The following CSMD1 variants were observed in gnomAD, a reference collection of about 807,000 sequenced individuals.
CSMD1 encodes CUB and Sushi multiple domains 1, also known as CUB and sushi domain-containing protein 1.
Under a neutral mutation model 417.5 loss-of-function variants are expected in CSMD1, and 213 were observed. The ratio of observed to expected loss-of-function variants is 0.51; its 90% CI spans 0.46 to 0.57. The LOEUF is 0.57. CSMD1 is among the 20% of genes least tolerant of loss of function. The pLI, the probability that CSMD1 is intolerant of heterozygous loss-of-function variation, is 0.00. For synonymous variants in CSMD1, 2,862 were observed against 1,736.8 expected (o/e 1.65, Z -16.11); for missense variants, 6,923 against 4,529.7 (o/e 1.53, Z -15.17).
At chr8:4,469,741 G>A (rs150107304) in intron 2 of CSMD1, among the ~76,000 whole-genome samples, 2 of 151,994 alleles carry the variant, frequency 1.3e-5, no homozygotes, top group Non-Finnish European at 2.9e-5. Flanking sequence ...CTCTGCACAG[G>A]AGGCAATGGA....
chr8:3,922,512 G>C (rs1314500963), intron 5 of CSMD1, among the ~76,000 whole-genome samples: 2 of 151,908 alleles, frequency 1.3e-5, no homozygotes, highest in African/African-American at 2.4e-5. Context: ...CATAGGCTTT[G>C]ATTCTTTTCT....
At chr8:3,982,187 TAATATTAATAAA>T (rs1317685819) in intron 5 of CSMD1, among the ~76,000 whole-genome samples, 29 of 128,488 alleles carry the variant, frequency 2.3e-4, no homozygotes, top group African/African-American at 5.7e-4. Context: ...ATAATAATAA[TAATATTAATAAA>T]AAAAATAATA....
At chr8:3,845,843 C>A (rs1316755303) in intron 5 of CSMD1, among the ~76,000 whole-genome samples, 2 of 149,198 alleles carry the variant, frequency 1.3e-5, no homozygotes, top group East Asian at 2.0e-4. Context: ...TTTTTTTTTA[C>A]TTTCTATACT....
Position 3,972,645 on chromosome 8 carries a change from G to C in CSMD1, c.818+25258C>G, listed in dbSNP as rs148451268. Among the ~76,000 whole-genome samples the C allele has an allele frequency of 2.4e-4, 36 of 152,282 alleles. No individual in the cohort carries two copies. In the East Asian group the frequency reaches 6.6e-3, roughly 28 times the overall value. The stretch of plus-strand genomic sequence containing the variant: ...CATTTGCTTAAGTTAGTTTACATGT[G>C]ATAGTAAGAATAGTAACAGATTATG... On this transcript the variant is annotated intron_variant, in intron 5 of 69. Coordinates refer to ENST00000635120, the MANE Select transcript of CSMD1 (RefSeq NM_033225.6).
In CSMD1 at chr8:3,187,458, G is replaced by T. The variant is rs117372602; in HGVS notation, c.5620+411C>A. Among the ~76,000 whole-genome samples, 23 of 152,196 alleles carry T rather than the reference G, an allele frequency of 1.5e-4. 1 individual carries two copies. The East Asian group carries it at 4.3e-3, about 28-fold the overall frequency. ...TTCGTGCCTGGCTACATATGAGTAG[G>T]GTAGAATCTCAGGACTAGCTGAGCC... On this transcript the variant is annotated intron_variant, in intron 36 of 69. Coordinates refer to ENST00000635120, the MANE Select transcript of CSMD1 (RefSeq NM_033225.6).
intron 3 of CSMD1, among the ~76,000 whole-genome samples, chr8:4,053,524 C>T (rs1798541081): frequency 6.6e-6 from 1 of 152,074 alleles, no homozygotes; most frequent in Non-Finnish European, 1.5e-5. Context: ...ATATGAAACA[C>T]TTTTGTTATC....
In CSMD1 at chr8:3,219,420, C is replaced by A; in HGVS notation, c.4507G>T (p.Asp1503Tyr). ...FKSFNMEPSY[D>Y]FLHIYEGEDS... ...TCCCCTTCATAGATGTGTAGGAAGT[C>A]ATAGCTGGGCTCCATGTTGAAACTA... The change falls in exon 29 of 70, where the codon GAC (aspartate) becomes TAC (tyrosine). Residue 1503 changes from aspartate to tyrosine, a missense_variant. Transcript: ENST00000635120. The A allele has an allele frequency of 6.6e-7, 1 of 1,515,658 alleles. No individual in the cohort carries two copies. The highest frequency in any genetic ancestry group is 8.8e-7 in the Non-Finnish European group (1 of 1,132,348). The allele number at this position is 1,515,658 out of a possible 1,614,324, so 93.9% of individuals were successfully genotyped here. A position where few individuals can be genotyped will look rare whatever the true frequency, so the allele number is the denominator to read the frequency against.
intron 1 of CSMD1, among the ~76,000 whole-genome samples, chr8:4,742,643 C>T (rs965177871): frequency 6.6e-6 from 1 of 151,774 alleles, no homozygotes; most frequent in Non-Finnish European, 1.5e-5. Context: ...GCTTGGAATC[C>T]AAAAGCAGGT....
intron 36 of CSMD1, among the ~76,000 whole-genome samples, chr8:3,186,591 G>C (rs944227805): frequency 6.6e-6 from 1 of 152,118 alleles, no homozygotes; most frequent in African/African-American, 2.4e-5. Flanking sequence ...ACTGTGAATG[G>C]CCTGTGCGCT....
At chr8:4,442,517 G>A (rs1054433595) in intron 2 of CSMD1, among the ~76,000 whole-genome samples, 2 of 152,086 alleles carry the variant, frequency 1.3e-5, no homozygotes, top group African/African-American at 4.8e-5. Flanking sequence ...TATTCCTTAT[G>A]TCTGTTTACC....
Position 3,110,226 on chromosome 8 carries a change from T to G in CSMD1, c.6540A>C (p.Pro2180=), listed in dbSNP as rs376540489. The G allele has an allele frequency of 1.2e-6, 2 of 1,613,158 alleles. No homozygotes were observed. Among genetic ancestry groups the G allele is most frequent in the Non-Finnish European group, 1.7e-6 (2 of 1,179,562 alleles). Residue 2180 remains proline (P), a synonymous_variant, in exon 43 of 70, where the codon CCA becomes CCC. Coordinates refer to ENST00000635120, the MANE Select transcript of CSMD1 (RefSeq NM_033225.6). ...TGAAGTTGATGTAAACTCCGTGCCC[T>G]GGAGGCACCGTGATGAGCCAAATGC... The part of the protein sequence containing the change: ...KDCIWLITVP[P]GHGVYINFTL...
At chr8:3,030,130 G>A (rs927289018) in intron 50 of CSMD1, among the ~76,000 whole-genome samples, 3 of 152,020 alleles carry the variant, frequency 2.0e-5, no homozygotes, top group Non-Finnish European at 4.4e-5. Context: ...AGTTACTTAA[G>A]AAAGAGTAGT....
chr8:3,715,897 T>G (rs1219330380), intron 6 of CSMD1, among the ~76,000 whole-genome samples: 1 of 152,162 alleles, frequency 6.6e-6, no homozygotes, highest in East Asian at 1.9e-4. Flanking sequence ...AATCTTTCCC[T>G]CCACATTCCT....
intron 3 of CSMD1, among the ~76,000 whole-genome samples, chr8:4,158,357 C>G (rs193235443): frequency 6.6e-6 from 1 of 151,750 alleles, no homozygotes; most frequent in Non-Finnish European, 1.5e-5. Context: ...AAAGAAAACC[C>G]GAAAGAAATA....
intron 1 of CSMD1, among the ~76,000 whole-genome samples, chr8:4,932,339 GA>G (rs5889074): frequency 0.78 from 115,423 of 148,574 alleles, 44,985 homozygotes; most frequent in Non-Finnish European, 0.82. Flanking sequence ...CATATTTCTA[GA>G]AAAAAAAAAA....
Position 4,784,648 on chromosome 8 carries a change from T to A in CSMD1, c.86-147090A>T, listed in dbSNP as rs150538260. Among the ~76,000 whole-genome samples, 358 of 152,296 alleles carry A rather than the reference T, an allele frequency of 2.4e-3. 2 individuals are homozygous for A. The highest frequency in any genetic ancestry group is 8.6e-3 in the African/African-American group (356 of 41,558). On this transcript the variant is annotated intron_variant, in intron 1 of 69. Transcript: ENST00000635120. ...GTTTTAAATATCCATTATGCCTCCATTAAAAGAAGGGCAAATATTTTTGAA... is the reference window on the plus strand; with the variant it reads ...GTTTTAAATATCCATTATGCCTCCAATAAAAGAAGGGCAAATATTTTTGAA...
intron 5 of CSMD1, among the ~76,000 whole-genome samples, chr8:3,923,484 T>A (rs1172999557): frequency 6.6e-6 from 1 of 152,222 alleles, no homozygotes; most frequent in Non-Finnish European, 1.5e-5. Flanking sequence ...GGGACATGTT[T>A]ACCCTTAAAG....
chr8:2,976,249 C>A (rs1405762764), intron 55 of CSMD1, among the ~76,000 whole-genome samples: 2 of 152,048 alleles, frequency 1.3e-5, no homozygotes, highest in East Asian at 3.9e-4. Flanking sequence ...CAACACTAAC[C>A]CATTCTCAAA....
At chr8:3,662,060 C>G (rs1401443808) in intron 7 of CSMD1, among the ~76,000 whole-genome samples, 4 of 152,152 alleles carry the variant, frequency 2.6e-5, no homozygotes, top group African/African-American at 9.7e-5. Context: ...AAGGCAACTG[C>G]TCAGTAGTTG....
Sources: allele counts gnomAD v4.1 joint callset (sites outside exome capture counted in the v4.1 genomes callset), GRCh38; gene constraint gnomAD v4.1.1; transcripts MANE v1.5; gene names NCBI Gene and HGNC (gene_info 2026-07-23, HGNC 2026-07-21).